LRRC75A: variants seen among roughly 807,000 people sequenced by gnomAD.
The protein encoded by LRRC75A is leucine-rich repeat-containing protein 75A.
LRRC75A carries 12 observed loss-of-function variants against 26.0 expected under a neutral mutation model. The observed-to-expected ratio is 0.46, with a 90% CI of 0.30 to 0.75. The LOEUF (loss-of-function observed/expected upper bound fraction) is 0.75. Ranked by LOEUF, LRRC75A falls within the 30% of genes least tolerant of loss-of-function variation. The pLI is 0.08. For missense variants in LRRC75A, 410 were observed against 486.6 expected, an observed-to-expected ratio of 0.84 and a Z score of 1.48; for synonymous variants, 223 against 219.3, an observed-to-expected ratio of 1.02 and a Z score of -0.15.
intron 2 of LRRC75A, among the ~76,000 whole-genome samples, chr17:16,459,421 C>T (rs537953196): frequency 1.3e-5 from 2 of 152,252 alleles, no homozygotes; most frequent in African/African-American, 2.4e-5. Context: ...GAGGCTGGAG[C>T]AGTCAAAGGG....
At chr17:16,482,025 A>G (rs561339275) in intron 1 of LRRC75A, among the ~76,000 whole-genome samples, 84 of 152,270 alleles carry the variant, frequency 5.5e-4, no homozygotes, top group African/African-American at 1.7e-3. Flanking sequence ...GGTCCAGGGC[A>G]GGAATTCTGA....
chr17:16,464,696 CAG>C lies in LRRC75A; in HGVS notation c.247-2312_247-2311del, dbSNP rs2093754492. ...TCTCTCCCTAGAAAAATTCTGGAGTCAGGGCTGGGCGGGGACCTGAGCACACA... is the reference window on the plus strand; with the variant it reads ...TCTCTCCCTAGAAAAATTCTGGAGTCGGCTGGGCGGGGACCTGAGCACACA... On this transcript the variant is annotated intron_variant, in intron 1 of 3. Transcript: ENST00000470794. Among the ~76,000 whole-genome samples the C allele has an allele frequency of 1.3e-5, 2 of 152,352 alleles. 1 individual carries two copies. Among genetic ancestry groups the C allele is most frequent in the South Asian group, 4.1e-4 (2 of 4,834 alleles).
chr17:16,471,555 C>T (rs1443006950), intron 1 of LRRC75A, among the ~76,000 whole-genome samples: 2 of 152,202 alleles, frequency 1.3e-5, no homozygotes, highest in South Asian at 2.1e-4. Flanking sequence ...CAACCAAGGA[C>T]GTTATTGCCA....
chr17:16,468,602 CG>C (rs1186941356), intron 1 of LRRC75A, among the ~76,000 whole-genome samples: 42 of 152,240 alleles, frequency 2.8e-4, no homozygotes, highest in African/African-American at 9.6e-4. Context: ...ACACAGTGTC[CG>C]TTTTGCAAGA....
At chr17:16,459,207 G>A (rs1259580059) in intron 2 of LRRC75A, among the ~76,000 whole-genome samples, 1 of 152,192 alleles carries the variant, frequency 6.6e-6, no homozygotes, top group Non-Finnish European at 1.5e-5. Flanking sequence ...ATATTCTAGT[G>A]GGGAAAACAG....
rs185670420 is a variant in LRRC75A, at chr17:16,466,543, C to T, written c.247-4157G>A. On this transcript the variant is annotated intron_variant, in intron 1 of 3. Transcript: ENST00000470794. ...GTCTAAACGGTACCACCTCTAGGAA[C>T]TGTGCCTGTGGACAGTTCCTCATCA... Among the ~76,000 whole-genome samples, 632 of 152,318 alleles carry T rather than the reference C, an allele frequency of 4.1e-3. 7 individuals carry two copies. The highest frequency in any genetic ancestry group is 0.014 in the African/African-American group (589 of 41,554).
Position 16,491,871 on chromosome 17 carries a change from C to T in LRRC75A, c.120G>A (p.Lys40=). ...GCATCCCCGCGCCCGCGCGCCCCGC[C>T]TTGTCCCCGGCGCGCAGCAGCAGCG... ...WASLLLRAGD[K]AGRAGAGMPP... is the part of the protein sequence containing the mutation. Residue 40 remains lysine (K), a synonymous_variant, in exon 1 of 4, where the codon AAG becomes AAA. Coordinates refer to ENST00000470794, the MANE Select transcript of LRRC75A (RefSeq NM_001113567.3). The surrounding 1 kb of genome is among the most constrained non-coding windows in gnomAD (Gnocchi z 5.9). 7.2e-7 allele frequency: 1 copy of T among 1,379,328 alleles called. No homozygotes were observed. The highest frequency in any genetic ancestry group is 1.5e-5 in the African/African-American group (1 of 66,354). 85.4% of individuals were successfully genotyped at this position (1,379,328 alleles called of 1,614,324 possible). A position where few individuals can be genotyped will look rare whatever the true frequency, so the allele number is the denominator to read the frequency against.
rs572819304 is a variant in LRRC75A at position 16,481,111 on chromosome 17, A to G, written c.246+10634T>C. 3.9e-5 allele frequency among the ~76,000 whole-genome samples: 6 copies of G among 152,354 alleles called. No individual in the cohort carries two copies. In the South Asian group the frequency reaches 1.2e-3, roughly 32 times the overall value. ...TCCAGTGAGGGAGAGGGGCAGAGGC[A>G]GATCCAGGCCCCTTGGCCTTCTAAG... On this transcript the variant is annotated intron_variant, in intron 1 of 3. Coordinates refer to ENST00000470794, the MANE Select transcript of LRRC75A (RefSeq NM_001113567.3).
chr17:16,446,877 T>C, intron 3 of LRRC75A: 1 of 376,748 alleles, frequency 2.7e-6, no homozygotes, highest in Admixed American at 3.1e-5. Context: ...ATCACAGCCT[T>C]ACACTGTTCA....
intron 2 of LRRC75A, among the ~76,000 whole-genome samples, chr17:16,453,312 GCACACACGCACACACGCACACGCA>G (rs1229558102): frequency 1.5e-5 from 1 of 64,854 alleles, no homozygotes; most frequent in Non-Finnish European, 4.5e-5. Flanking sequence ...ACACACACAC[GCACACACGCACACACGCACACGCA>G]CACACGCACA....
chr17:16,492,021 T>TGGGCCGCG lies in LRRC75A; in HGVS notation c.-39_-32dup. On this transcript the variant is annotated 5_prime_UTR_variant, in exon 1 of 4. Transcript: ENST00000470794. ...CGCCGCCCGCCGGGACTCTCCGCTC[T>TGGGCCGCG]GGGCCGCGAGGCCGCGTCCCCGCCA... 1 of 1,132,178 alleles carries TGGGCCGCG rather than the reference T, an allele frequency of 8.8e-7. No individual in the cohort carries two copies. The highest frequency in any genetic ancestry group is 1.1e-6 in the Non-Finnish European group (1 of 926,800). The allele number at this position is 1,132,178 out of a possible 1,614,324, so 70.1% of individuals were successfully genotyped here.
intron 1 of LRRC75A, among the ~76,000 whole-genome samples, chr17:16,485,634 G>GTGTGTGTGTGTGTGTGTGTGTC (rs1491065612): frequency 1.8e-5 from 1 of 57,076 alleles, no homozygotes; most frequent in Non-Finnish European, 3.1e-5. Flanking sequence ...GACAAGCAGT[G>GTGTGTGTGTGTGTGTGTGTGTC]TGTGTGTGTG....
At position 16,443,415 on chromosome 17, in the gene LRRC75A, T is replaced by G; in HGVS notation, c.*173A>C. 5.1e-6 allele frequency: 3 copies of G among 588,618 alleles called. No homozygotes were observed. Among genetic ancestry groups the G allele is most frequent in the South Asian group, 5.1e-5 (2 of 39,298 alleles). 36.5% of individuals were successfully genotyped at this position (588,618 alleles called of 1,614,324 possible). A position where few individuals can be genotyped will look rare whatever the true frequency, so the allele number is the denominator to read the frequency against. On this transcript the variant is annotated 3_prime_UTR_variant, in exon 4 of 4. Coordinates refer to ENST00000470794, the MANE Select transcript of LRRC75A (RefSeq NM_001113567.3). ...GCAGATGCAGAGGACCAACGGGAAG[T>G]TTTAACACAAATCCCCTTCCCCAGA...
intron 1 of LRRC75A, among the ~76,000 whole-genome samples, chr17:16,464,927 G>A (rs1318683708): frequency 1.3e-5 from 2 of 152,248 alleles, no homozygotes; most frequent in Non-Finnish European, 2.9e-5. Context: ...CAAACGAGCT[G>A]TGGCCCAGTG....
At chr17:16,482,407 C>T (rs2093836614) in intron 1 of LRRC75A, among the ~76,000 whole-genome samples, 1 of 152,172 alleles carries the variant, frequency 6.6e-6, no homozygotes, top group African/African-American at 2.4e-5. Context: ...GGGGGCTCTT[C>T]CCACAGGTCC....
At chr17:16,483,214 G>A (rs1367665579) in intron 1 of LRRC75A, among the ~76,000 whole-genome samples, 1 of 152,252 alleles carries the variant, frequency 6.6e-6, no homozygotes, top group Non-Finnish European at 1.5e-5. Context: ...AATGGTTTGT[G>A]GCACACAGGG....
At chr17:16,486,620 G>A (rs2093847644) in intron 1 of LRRC75A, among the ~76,000 whole-genome samples, 1 of 152,192 alleles carries the variant, frequency 6.6e-6, no homozygotes, top group Admixed American at 6.5e-5. Flanking sequence ...CTCCCATCAG[G>A]CTCCGCTCCC....
chr17:16,454,753 C>CA (rs542545491), intron 2 of LRRC75A, among the ~76,000 whole-genome samples: 3 of 151,654 alleles, frequency 2.0e-5, no homozygotes, highest in Middle Eastern at 3.4e-3. Context: ...ACCAAAAAAA[C>CA]AAAAAAACCT....
chr17:16,484,953 T>A (rs1481198921), intron 1 of LRRC75A, among the ~76,000 whole-genome samples: 2 of 137,580 alleles, frequency 1.5e-5, no homozygotes, highest in Admixed American at 7.2e-5. Flanking sequence ...GAGTCTGAGC[T>A]AATAAAAGTT....
Sources: allele counts gnomAD v4.1 joint callset (sites outside exome capture counted in the v4.1 genomes callset), GRCh38; gene constraint gnomAD v4.1.1; non-coding constraint Gnocchi (gnomAD v3.1); transcripts MANE v1.5; gene names NCBI Gene and HGNC (gene_info 2026-07-23, HGNC 2026-07-21).